The following MICU1 variants were observed in gnomAD, a reference collection of about 807,000 sequenced individuals.
MICU1 encodes the protein calcium uptake protein 1, mitochondrial.
MICU1 carries 45 observed loss-of-function variants against 56.8 expected under a neutral mutation model. The ratio of observed to expected loss-of-function variants is 0.79; its 90% CI spans 0.62 to 1.02. MICU1 has a LOEUF of 1.02. Ranked by LOEUF, MICU1 falls within the 50% of genes least tolerant of loss-of-function variation. The pLI is 0.00. For synonymous variants in MICU1, 186 were observed against 195.1 expected, an observed-to-expected ratio of 0.95 and a Z score of 0.39; for missense variants, 504 against 587.1, an observed-to-expected ratio of 0.86 and a Z score of 1.46.
chr10:72,562,653 T>C, intron 3 of MICU1: 1 of 332,926 alleles, frequency 3.0e-6, no homozygotes, highest in East Asian at 4.9e-5. Context: ...CTTAGGCAGT[T>C]GAACTGAAAG....
rs150256397 is a variant in MICU1, at chr10:72,448,561, T to C, written c.934-25190A>G. On this transcript the variant is annotated intron_variant, in intron 8 of 11. Transcript: ENST00000361114. ...GAGCTAGAGATTGGAACACAATATA[T>C]AGAAATTAGAATTCAGATTAAGTTG... 8.5e-5 allele frequency among the ~76,000 whole-genome samples: 13 copies of C among 152,150 alleles called. No individual in the cohort carries two copies. The East Asian group carries it at 2.3e-3, about 27-fold the overall frequency.
chr10:72,396,014 C>A (rs761471668), intron 10 of MICU1, among the ~76,000 whole-genome samples: 15 of 152,200 alleles, frequency 9.9e-5, no homozygotes, highest in Admixed American at 5.2e-4. Flanking sequence ...AACTGGGAGA[C>A]AACTCCCAGT....
At chr10:72,476,371 G>C (rs1399753843) in intron 7 of MICU1, among the ~76,000 whole-genome samples, 3 of 152,182 alleles carry the variant, frequency 2.0e-5, no homozygotes, top group Admixed American at 6.6e-5. Flanking sequence ...TAGGACTACA[G>C]GCACATACTA....
At chr10:72,587,787 TAAATAAATAAATAAAAC>T (rs1040222630) in intron 1 of MICU1, among the ~76,000 whole-genome samples, 1 of 151,720 alleles carries the variant, frequency 6.6e-6, no homozygotes, top group African/African-American at 2.4e-5. Context: ...CTATCATAAA[TAAATAAATAAATAAAAC>T]AAATAAATAA....
chr10:72,397,340 A>G (rs1863301984), intron 10 of MICU1, among the ~76,000 whole-genome samples: 1 of 152,244 alleles, frequency 6.6e-6, no homozygotes, highest in African/African-American at 2.4e-5. Flanking sequence ...GCCAAATTGC[A>G]AAGACCATCG....
intron 5 of MICU1, chr10:72,509,445 G>A: frequency 7.6e-7 from 1 of 1,310,962 alleles, no homozygotes; most frequent in Non-Finnish European, 1.0e-6. Context: ...AAAGAAAACT[G>A]GTTAACCAAC....
At chr10:72,564,545 A>G (rs1206193532) in intron 2 of MICU1, among the ~76,000 whole-genome samples, 1 of 29,342 alleles carries the variant, frequency 3.4e-5, no homozygotes, top group African/African-American at 1.2e-4. Flanking sequence ...TCTCAAAAAG[A>G]AAAAAAAAAA....
At chr10:72,609,184 A>G (rs1841770722) in intron 1 of MICU1, among the ~76,000 whole-genome samples, 1 of 152,242 alleles carries the variant, frequency 6.6e-6, no homozygotes, top group African/African-American at 2.4e-5. Context: ...AGAGACAGAA[A>G]GTAGACTAAT....
intron 5 of MICU1, among the ~76,000 whole-genome samples, chr10:72,512,168 G>C (rs1434426605): frequency 1.7e-5 from 2 of 118,698 alleles, no homozygotes; most frequent in Admixed American, 1.1e-4. Context: ...CTGGAGTACA[G>C]TGGCACAATC....
At chr10:72,606,665 G>A (rs1841700287) in intron 1 of MICU1, among the ~76,000 whole-genome samples, 1 of 151,910 alleles carries the variant, frequency 6.6e-6, no homozygotes, top group African/African-American at 2.4e-5. Context: ...TGAAACCTCT[G>A]AAGTGATGTG....
chr10:72,500,296 ATATATATTTTTTTTTTTTTT>A (rs1867016834), intron 6 of MICU1, among the ~76,000 whole-genome samples: 9 of 6,780 alleles, frequency 1.3e-3, no homozygotes, highest in Admixed American at 2.2e-3. Flanking sequence ...ATATATATAT[ATATATATTTTTTTTTTTTTT>A]TTTTTTTTTT....
rs190580885 is a variant in MICU1 at position 72,541,659 on chromosome 10, C to A, written c.494-7870G>T. On this transcript the variant is annotated intron_variant, in intron 4 of 11. Transcript: ENST00000361114. Reference sequence around the variant, plus strand: ...ACTATCCATAAAAACCCTAGCTTCTCAGTCCTTAGGGAGGCTGACTTTATG... The same window carrying A: ...ACTATCCATAAAAACCCTAGCTTCTAAGTCCTTAGGGAGGCTGACTTTATG... 9.5e-4 allele frequency among the ~76,000 whole-genome samples: 145 copies of A among 152,274 alleles called. 1 individual carries two copies. Among genetic ancestry groups the A allele is most frequent in the African/African-American group, 3.1e-3 (128 of 41,564 alleles).
At chr10:72,422,298 T>C (rs951073425) in intron 9 of MICU1, among the ~76,000 whole-genome samples, 2 of 152,180 alleles carry the variant, frequency 1.3e-5, no homozygotes, top group Admixed American at 1.3e-4. Context: ...AGAGCTCTTA[T>C]CAGAAACCAA....
intron 4 of MICU1, among the ~76,000 whole-genome samples, chr10:72,545,143 T>C (rs1839867077): frequency 6.6e-6 from 1 of 152,216 alleles, no homozygotes. Flanking sequence ...AGGAATAATA[T>C]ATCTTTTACT....
chr10:72,477,782 AG>A (rs1277948476), intron 6 of MICU1, among the ~76,000 whole-genome samples: 2 of 152,210 alleles, frequency 1.3e-5, no homozygotes, highest in African/African-American at 4.8e-5. Context: ...GATAATTTCA[AG>A]TTGGTTTCTT....
intron 8 of MICU1, among the ~76,000 whole-genome samples, chr10:72,472,433 A>G (rs1310088275): frequency 6.6e-6 from 1 of 152,184 alleles, no homozygotes; most frequent in Non-Finnish European, 1.5e-5. Context: ...ATGAAGAAAA[A>G]ACCCTTTGAA....
rs1862197373 is a variant in MICU1 at position 72,367,870 on chromosome 10, G to A, written c.*325C>T. ...GATTTGAGAACTGGATGCTTCCCAG[G>A]GTTGGCAGGTGTGTGGATGGTTCCC... On this transcript the variant is annotated 3_prime_UTR_variant, in exon 12 of 12. Coordinates refer to ENST00000361114, the MANE Select transcript of MICU1 (RefSeq NM_001195518.2). The A allele has an allele frequency of 3.9e-6, 1 of 258,918 alleles. No homozygotes were observed. The allele number at this position is 258,918 out of a possible 1,614,324, so 16.0% of individuals were successfully genotyped here. A position where few individuals can be genotyped will look rare whatever the true frequency, so the allele number is the denominator to read the frequency against.
At chr10:72,440,465 A>T (rs1864884250) in intron 8 of MICU1, among the ~76,000 whole-genome samples, 1 of 152,184 alleles carries the variant, frequency 6.6e-6, no homozygotes, top group Non-Finnish European at 1.5e-5. Flanking sequence ...AACCTAGGCA[A>T]TACCATTCAG....
At chr10:72,621,942 C>G (rs1842114041) in intron 1 of MICU1, among the ~76,000 whole-genome samples, 2 of 152,248 alleles carry the variant, frequency 1.3e-5, no homozygotes, top group African/African-American at 4.8e-5. Flanking sequence ...GAGCCAGAAT[C>G]TTGCTCTGTC....
Sources: gnomAD v4.1 joint callset for allele counts (sites outside exome capture counted in the v4.1 genomes callset) on GRCh38, gnomAD v4.1.1 for gene constraint, MANE v1.5 for transcripts, NCBI Gene and HGNC (gene_info 2026-07-23, HGNC 2026-07-21) for gene names.